DRC3: variants seen among roughly 807,000 people sequenced by gnomAD.
The protein encoded by DRC3 is leucine rich repeat containing 48.
A neutral mutation model predicts 57.6 loss-of-function variants in DRC3; 45 were observed. That is an observed-to-expected ratio of 0.78 (90% CI 0.62 to 1.00). The LOEUF is 1.00. Ranked by LOEUF, DRC3 falls within the 50% of genes least tolerant of loss-of-function variation. The pLI, the probability that DRC3 is intolerant of heterozygous loss-of-function variation, is 0.00. For synonymous variants in DRC3, 257 were observed against 272.3 expected (o/e 0.94, Z 0.55); for missense variants, 655 against 675.2 (o/e 0.97, Z 0.33).
intron 12 of DRC3, chr17:18,010,793 CA>C: frequency 3.2e-6 from 1 of 310,668 alleles, no homozygotes; most frequent in Non-Finnish European, 6.2e-6. Flanking sequence ...AAGGTCCAGG[CA>C]AAGGAGTGGA....
At chr17:17,987,877 A>G in intron 4 of DRC3, 55 bp from the exon 5 acceptor site, 2 of 1,577,392 alleles carry the variant, frequency 1.3e-6, no homozygotes, top group African/African-American at 1.3e-5. Context: ...TTATTTCAGG[A>G]CAGCCCATCC....
chr17:18,016,335 A>G, intron 13 of DRC3, 140 bp downstream of exon 13: 2 of 1,001,366 alleles, frequency 2.0e-6, no homozygotes, highest in Non-Finnish European at 1.5e-6. Flanking sequence ...AGAATTCCAC[A>G]CTGAAGACAA....
intron 4 of DRC3, among the ~76,000 whole-genome samples, chr17:17,987,361 C>G (rs2043011424): frequency 6.6e-6 from 1 of 151,906 alleles, no homozygotes. Context: ...CAGGGAGAAG[C>G]CTTAGATGAA....
chr17:17,975,687 G>T (rs377573598), intron 2 of DRC3, among the ~76,000 whole-genome samples: 11 of 152,324 alleles, frequency 7.2e-5, no homozygotes, highest in African/African-American at 2.6e-4. Flanking sequence ...GTCTTTGGGG[G>T]TAGAATCAGT....
rs185967799 is a variant in DRC3, at chr17:17,992,895, G to A, written c.575G>A (p.Arg192His). 1.9e-5 allele frequency: 31 copies of A among 1,613,918 alleles called. No individual in the cohort carries two copies. The highest frequency in any genetic ancestry group is 6.7e-5 in the East Asian group (3 of 44,890). ...LPDLMYLDYRRIDDHTKKLAE... is the reference protein window; with the variant it reads ...LPDLMYLDYRHIDDHTKKLAE... ...GACCTCATGTACCTGGACTACCGGCGCATTGATGACCACACAGCAAGTGTC... is the reference window on the plus strand; with the variant it reads ...GACCTCATGTACCTGGACTACCGGCACATTGATGACCACACAGCAAGTGTC... Residue 192 changes from arginine (R) to histidine (H), a missense_variant, in exon 6 of 14, where the codon CGC becomes CAC. Transcript: ENST00000399187.
chr17:18,016,608 T>A lies in DRC3; in HGVS notation c.1509T>A (p.Asn503Lys), dbSNP rs1248283570. ...MRNRKRVKEI[N>K]QYIDHMQSEL... Reference sequence around the variant, plus strand: ...ACCGCAAGCGCGTGAAGGAGATCAATCAGTACATCGACCACATGCAGAGCG... The same window carrying A: ...ACCGCAAGCGCGTGAAGGAGATCAAACAGTACATCGACCACATGCAGAGCG... The change falls in exon 14 of 14, where the codon AAT (asparagine) becomes AAA (lysine). Residue 503 changes from asparagine (N) to lysine (K), a missense_variant. Coordinates refer to ENST00000399187, the MANE Select transcript of DRC3 (RefSeq NM_031294.4). The A allele has an allele frequency of 6.2e-7, 1 of 1,613,740 alleles. No homozygotes were observed. Among genetic ancestry groups the A allele is most frequent in the Non-Finnish European group, 8.5e-7 (1 of 1,179,856 alleles).
intron 4 of DRC3, among the ~76,000 whole-genome samples, chr17:17,986,466 C>CTTT (rs35727404): frequency 3.8e-5 from 5 of 133,268 alleles, no homozygotes; most frequent in African/African-American, 8.4e-5. Context: ...CCCAAATCAC[C>CTTT]TTTTTTTTTT....
In DRC3 at chr17:17,977,669, ACCAGGGCCC is replaced by A; in HGVS notation, c.77_85del (p.Gly26_Gln28del). 6.2e-7 allele frequency: 1 copy of A among 1,613,920 alleles called. No homozygotes were observed. The highest frequency in any genetic ancestry group is 8.5e-7 in the Non-Finnish European group (1 of 1,179,862). ...GACATGCTCAAGCTGGCCGTCGGGG[ACCAGGGCCC>A]CCAGGAGGAGGCCGGGCAGCTGGCC... is the stretch of plus-strand genomic sequence containing the variant. On this transcript the variant is annotated inframe_deletion, in exon 3 of 14. Transcript: ENST00000399187.
At chr17:17,982,611 G>A (rs565069063) in intron 3 of DRC3, among the ~76,000 whole-genome samples, 12 of 137,334 alleles carry the variant, frequency 8.7e-5, no homozygotes, top group African/African-American at 2.2e-4. Flanking sequence ...ATGGAGTCTC[G>A]CTCTGTCACC....
chr17:17,981,902 G>A (rs1415164010), intron 3 of DRC3, among the ~76,000 whole-genome samples: 1 of 151,990 alleles, frequency 6.6e-6, no homozygotes, highest in East Asian at 1.9e-4. Flanking sequence ...TGGCCAGGCT[G>A]GTCTCAAACT....
intron 9 of DRC3, among the ~76,000 whole-genome samples, chr17:18,002,450 C>T (rs912300341): frequency 1.3e-5 from 2 of 152,152 alleles, no homozygotes; most frequent in African/African-American, 4.8e-5. Flanking sequence ...AGCTGGTAGT[C>T]AGTGCTGTTT....
rs148267548 is a variant in DRC3, at chr17:18,010,103, T to G, written c.1326+2956T>G. ...AGGGAGGATGCAAGTCCCCAGGGTC[T>G]GCTCAAGTGGCAGTGGGTCTGACCC... On this transcript the variant is annotated intron_variant, in intron 12 of 13. Coordinates refer to ENST00000399187, the MANE Select transcript of DRC3 (RefSeq NM_031294.4). Among the ~76,000 whole-genome samples the G allele has an allele frequency of 4.5e-3, 689 of 152,314 alleles. 6 individuals carry two copies. The highest frequency in any genetic ancestry group is 0.016 in the African/African-American group (666 of 41,576).
intron 5 of DRC3, among the ~76,000 whole-genome samples, chr17:17,991,754 C>T (rs1344313699): frequency 1.3e-5 from 2 of 151,624 alleles, no homozygotes; most frequent in South Asian, 2.1e-4. Flanking sequence ...GGAATGTTCC[C>T]CTAGCTGTTA....
chr17:17,995,217 T>C lies in DRC3; in HGVS notation c.824+106T>C, dbSNP rs118118204. ...GTTTCTTCATCTCTCTTGTAAGACC[T>C]TGGGAGGTAAAATCTCCACTTGAGA... On this transcript the variant is annotated intron_variant, in intron 8 of 13. Transcript: ENST00000399187. 2,629 of 764,934 alleles carry C rather than the reference T, an allele frequency of 3.4e-3. 22 individuals carry two copies. Among genetic ancestry groups the C allele is most frequent in the East Asian group, 0.027 (970 of 36,366 alleles). The allele number at this position is 764,934 out of a possible 1,614,324, so 47.4% of individuals were successfully genotyped here.
chr17:17,997,634 G>A lies in DRC3; in HGVS notation c.999G>A (p.Ser333=), dbSNP rs1459977522. Residue 333 remains serine, a splice_region_variant and synonymous_variant, in exon 9 of 14, where the codon TCG becomes TCA. Coordinates refer to ENST00000399187, the MANE Select transcript of DRC3 (RefSeq NM_031294.4). The stretch of plus-strand genomic sequence containing the variant: ...CCAAATTCGAGGAGAAGCACTTGTC[G>A]GTAGGCCCCGAGCCTCCTGAGGCCC... ...KIAKFEEKHL[S]SLSAIREELE... is the part of the protein sequence containing the mutation. 1.6e-5 allele frequency: 26 copies of A among 1,596,808 alleles called. No individual in the cohort carries two copies. Among genetic ancestry groups the A allele is most frequent in the Middle Eastern group, 3.5e-4 (2 of 5,640 alleles).
chr17:17,999,747 AAC>A (rs370598508), intron 9 of DRC3, among the ~76,000 whole-genome samples: 39 of 152,356 alleles, frequency 2.6e-4, no homozygotes, highest in African/African-American at 8.9e-4. Flanking sequence ...TGTAGTGAGA[AAC>A]AGAGAGGGAA....
chr17:18,009,877 A>G (rs1399588402), intron 12 of DRC3, among the ~76,000 whole-genome samples: 1 of 152,178 alleles, frequency 6.6e-6, no homozygotes, highest in East Asian at 1.9e-4. Context: ...TCTATTTTCA[A>G]GTCCTTCCAG....
intron 12 of DRC3, chr17:18,007,520 T>C: frequency 6.5e-7 from 1 of 1,545,814 alleles, no homozygotes; most frequent in Non-Finnish European, 8.7e-7. Context: ...GTCTGTATAA[T>C]GAGTACTGTG....
intron 2 of DRC3, among the ~76,000 whole-genome samples, chr17:17,974,353 C>T (rs949136805): frequency 6.6e-6 from 1 of 152,196 alleles, no homozygotes; most frequent in African/African-American, 2.4e-5. Context: ...AAACTAAGAT[C>T]TGATCACATT....
Sources: gnomAD v4.1 joint callset for allele counts (sites outside exome capture counted in the v4.1 genomes callset) on GRCh38, gnomAD v4.1.1 for gene constraint, MANE v1.5 for transcripts, NCBI Gene and HGNC (gene_info 2026-07-23, HGNC 2026-07-21) for gene names.